Variants in STARD13 observed in about 807,000 individuals in gnomAD.
STARD13 encodes StAR related lipid transfer domain containing 13, also known as stAR-related lipid transfer protein 13.
STARD13 carries 62 observed loss-of-function variants against 106.4 expected under a neutral mutation model. The ratio of observed to expected loss-of-function variants is 0.58; its 90% CI spans 0.48 to 0.72. The LOEUF is 0.72. Among genes scored for constraint, STARD13 ranks in the 30% least tolerant of loss-of-function variants. STARD13 has a pLI of 0.00. For missense variants in STARD13, 1,387 were observed against 1,424.0 expected (o/e 0.97, Z 0.42); for synonymous variants, 565 against 553.0 (o/e 1.02, Z -0.31).
the STARD13 span, among the ~76,000 whole-genome samples, chr13:33,406,975 G>A: frequency 6.6e-6 from 1 of 152,214 alleles, no homozygotes; most frequent in Non-Finnish European, 1.5e-5. Flanking sequence ...ATCTGTGAAT[G>A]TGGAGGATTG....
At chr13:33,143,459 T>A (rs1880113013) in intron 3 of STARD13, among the ~76,000 whole-genome samples, 1 of 152,266 alleles carries the variant, frequency 6.6e-6, no homozygotes, top group Non-Finnish European at 1.5e-5. Flanking sequence ...ATACCAATAA[T>A]CATTCAGCTT....
chr13:33,587,071 C>G, the STARD13 span, among the ~76,000 whole-genome samples: 2 of 152,042 alleles, frequency 1.3e-5, no homozygotes, highest in Non-Finnish European at 2.9e-5. Flanking sequence ...CAAAAACTAG[C>G]TGGGTGTGGT....
At chr13:33,526,793 T>C in the STARD13 span, among the ~76,000 whole-genome samples, 2 of 152,150 alleles carry the variant, frequency 1.3e-5, no homozygotes, top group Non-Finnish European at 2.9e-5. Context: ...GAGGAGTTAA[T>C]ATTAACTATT....
the STARD13 span, among the ~76,000 whole-genome samples, chr13:33,536,412 G>A: frequency 4.6e-5 from 7 of 152,086 alleles, no homozygotes; most frequent in Admixed American, 1.3e-4. Flanking sequence ...TAAAGAAAAC[G>A]AAGCTTAGGA....
At chr13:33,593,196 T>C in the STARD13 span, among the ~76,000 whole-genome samples, 1 of 152,156 alleles carries the variant, frequency 6.6e-6, no homozygotes. Context: ...TTTATTTTTT[T>C]ATTTTTGATA....
At chr13:33,142,428 C>A in intron 3 of STARD13, 55 bp from the exon 4 acceptor site, 1 of 1,472,154 alleles carries the variant, frequency 6.8e-7, no homozygotes, top group South Asian at 1.1e-5. Flanking sequence ...TAAATCTCTC[C>A]AGTTTGATAA....
At chr13:33,611,825 A>G in the STARD13 span, among the ~76,000 whole-genome samples, 10 of 152,228 alleles carry the variant, frequency 6.6e-5, no homozygotes, top group Non-Finnish European at 5.9e-5. Context: ...AGTATTTATG[A>G]TAAGTTGGAA....
the STARD13 span, among the ~76,000 whole-genome samples, chr13:33,648,751 T>C: frequency 6.6e-6 from 1 of 151,714 alleles, no homozygotes; most frequent in Non-Finnish European, 1.5e-5. Flanking sequence ...TTAGCAATAG[T>C]TTTTATGATG....
chr13:33,469,954 C>T, the STARD13 span, among the ~76,000 whole-genome samples: 34 of 152,152 alleles, frequency 2.2e-4, no homozygotes, highest in East Asian at 5.8e-4. Context: ...ATGTGCAAAA[C>T]GTGCAGGTTT....
chr13:33,517,566 A>C, the STARD13 span, among the ~76,000 whole-genome samples: 1 of 152,152 alleles, frequency 6.6e-6, no homozygotes, highest in Non-Finnish European at 1.5e-5. Context: ...CATGGAGTGA[A>C]ACAAATTTAG....
At chr13:33,540,123 G>A in the STARD13 span, among the ~76,000 whole-genome samples, 2 of 152,190 alleles carry the variant, frequency 1.3e-5, no homozygotes, top group Non-Finnish European at 2.9e-5. Flanking sequence ...AGCTTCAGGG[G>A]AAATGTTCCA....
At chr13:33,226,346 T>C (rs1888623338) in intron 1 of STARD13, among the ~76,000 whole-genome samples, 1 of 151,868 alleles carries the variant, frequency 6.6e-6, no homozygotes, top group African/African-American at 2.4e-5. Flanking sequence ...TTTTGGCTCA[T>C]AAAAGTACAG....
At chr13:33,461,008 C>A in the STARD13 span, among the ~76,000 whole-genome samples, 1 of 152,152 alleles carries the variant, frequency 6.6e-6, no homozygotes, top group Admixed American at 6.5e-5. Context: ...CTGTTTAATT[C>A]CATATTTGTA....
At chr13:33,209,429 A>G (rs1260396606) in intron 1 of STARD13, among the ~76,000 whole-genome samples, 1 of 151,586 alleles carries the variant, frequency 6.6e-6, no homozygotes, top group African/African-American at 2.4e-5. Context: ...AGCAAAAAGC[A>G]TGATGTCTGA....
At chr13:33,146,274 A>C (rs1177536844) in intron 3 of STARD13, among the ~76,000 whole-genome samples, 1 of 151,948 alleles carries the variant, frequency 6.6e-6, no homozygotes, top group Non-Finnish European at 1.5e-5. Flanking sequence ...CAGCGAGCCG[A>C]GATTGCACCA....
At chr13:33,673,533 A>T in the STARD13 span, among the ~76,000 whole-genome samples, 1 of 150,474 alleles carries the variant, frequency 6.6e-6, no homozygotes, top group African/African-American at 2.5e-5. Context: ...AGATGGAAGC[A>T]GTCAGAACTA....
rs529410933 is a variant in STARD13, at chr13:33,116,230, T to C, written c.2281+1835A>G. 2.6e-5 allele frequency among the ~76,000 whole-genome samples: 4 copies of C among 152,368 alleles called. No homozygotes were observed. The South Asian group carries it at 8.3e-4, about 32-fold the overall frequency. On this transcript the variant is annotated intron_variant, in intron 8 of 13. Transcript: ENST00000336934. ...ACTGGGCTCTCCTGACTTCTGCTTA[T>C]GCTATCTGCCGAGCAGGTACCCAAA...
At chr13:33,298,462 C>A (rs1892587819) in intron 1 of STARD13, among the ~76,000 whole-genome samples, 1 of 151,888 alleles carries the variant, frequency 6.6e-6, no homozygotes, top group African/African-American at 2.4e-5. Flanking sequence ...TGCCACAGAA[C>A]GTTCAGCTTC....
intron 1 of STARD13, among the ~76,000 whole-genome samples, chr13:33,325,245 T>C (rs2077760354): frequency 6.6e-6 from 1 of 152,178 alleles, no homozygotes; most frequent in Admixed American, 6.5e-5. Flanking sequence ...AGGCTCAGTT[T>C]AACTCTTCTC....
Sources: gnomAD v4.1 joint callset for allele counts (sites outside exome capture counted in the v4.1 genomes callset) on GRCh38, gnomAD v4.1.1 for gene constraint, MANE v1.5 for transcripts, NCBI Gene and HGNC (gene_info 2026-07-23, HGNC 2026-07-21) for gene names.